Variants in SV2C observed in about 807,000 individuals in gnomAD.
SV2C encodes solute carrier family 22 member B3.
In SV2C, 49 loss-of-function variants were observed where a neutral mutation model predicts 79.7. The ratio of observed to expected loss-of-function variants is 0.61; its 90% CI spans 0.49 to 0.78. The LOEUF is 0.78. Among genes scored for constraint, SV2C ranks in the 30% least tolerant of loss-of-function variants. The pLI is 0.00. For missense variants in SV2C, 833 were observed against 912.9 expected, an observed-to-expected ratio of 0.91 and a Z score of 1.13; for synonymous variants, 334 against 333.2, an observed-to-expected ratio of 1.00 and a Z score of -0.03.
chr5:76,170,138 C>T (rs4279314), intron 2 of SV2C, among the ~76,000 whole-genome samples: 86,939 of 150,034 alleles, frequency 0.58, 26,841 homozygotes, highest in East Asian at 0.92. Context: ...TACATTTGGC[C>T]ACCTCAAAGT....
chr5:75,914,420 C>T, the SV2C span, among the ~76,000 whole-genome samples: 7 of 152,084 alleles, frequency 4.6e-5, no homozygotes, highest in African/African-American at 1.7e-4. Flanking sequence ...TGGGAGTAAA[C>T]CCAGCTGAAT....
the SV2C span, among the ~76,000 whole-genome samples, chr5:76,040,020 G>T: frequency 6.6e-6 from 1 of 152,062 alleles, no homozygotes; most frequent in Non-Finnish European, 1.5e-5. Context: ...ACAAAGGACA[G>T]CATAACAAGA....
At chr5:76,350,092 T>G (rs1402373790) in intron 12 of SV2C, among the ~76,000 whole-genome samples, 1 of 152,164 alleles carries the variant, frequency 6.6e-6, no homozygotes, top group African/African-American at 2.4e-5. Context: ...CTTGAGCTAT[T>G]TTGTGCACTG....
the SV2C span, among the ~76,000 whole-genome samples, chr5:75,884,363 A>G: frequency 2.6e-5 from 4 of 152,318 alleles, no homozygotes; most frequent in South Asian, 8.3e-4. Flanking sequence ...CAAACTGTGC[A>G]TAATTAGAGA....
At chr5:75,893,380 A>C in the SV2C span, among the ~76,000 whole-genome samples, 1 of 152,000 alleles carries the variant, frequency 6.6e-6, no homozygotes, top group Non-Finnish European at 1.5e-5. Context: ...GTCTAACTAA[A>C]GGGTCTTTGG....
intron 12 of SV2C, among the ~76,000 whole-genome samples, chr5:76,322,778 A>G (rs190751892): frequency 6.6e-6 from 1 of 152,256 alleles, no homozygotes; most frequent in Non-Finnish European, 1.5e-5. Flanking sequence ...CAGAAACAAG[A>G]GATGGGGAAA....
At position 76,174,238 on chromosome 5, in the gene SV2C, T is replaced by A. The variant is rs542137992; in HGVS notation, c.581-20681T>A. On this transcript the variant is annotated intron_variant, in intron 2 of 12. Coordinates refer to ENST00000502798, the MANE Select transcript of SV2C (RefSeq NM_014979.4). ...GCGAACCTCTCACGCTGTCACCGGG[T>A]CTCTGCAGCCAGCGTCGCCCCGTGC... 5.1e-4 allele frequency: 797 copies of A among 1,569,334 alleles called. 1 individual carries two copies. The highest frequency in any genetic ancestry group is 6.7e-4 in the Non-Finnish European group (766 of 1,139,586).
the SV2C span, among the ~76,000 whole-genome samples, chr5:76,053,754 T>C: frequency 2.0e-5 from 3 of 152,112 alleles, no homozygotes; most frequent in Non-Finnish European, 4.4e-5. Context: ...GTGTGTATCT[T>C]GAAGAGATTA....
intron 2 of SV2C, among the ~76,000 whole-genome samples, chr5:76,150,268 C>T (rs142376142): frequency 6.6e-6 from 1 of 151,530 alleles, no homozygotes; most frequent in Non-Finnish European, 1.5e-5. Context: ...ACTTCTGCCT[C>T]TCGGGTTCAA....
the SV2C span, among the ~76,000 whole-genome samples, chr5:75,934,302 C>CTTTTTTTTTTTTTTTTTTTT: frequency 1.6e-4 from 17 of 107,812 alleles, no homozygotes; most frequent in East Asian, 2.7e-4. Context: ...TTCTTTCTTT[C>CTTTTTTTTTTTTTTTTTTTT]TTTTTTTTTT....
chr5:75,973,346 T>A, the SV2C span, among the ~76,000 whole-genome samples: 2 of 151,270 alleles, frequency 1.3e-5, no homozygotes, highest in African/African-American at 2.4e-5. Context: ...TAAAAAAAAA[T>A]TAGCCAAGTA....
chr5:75,884,819 TTAAAA>T, the SV2C span, among the ~76,000 whole-genome samples: 6 of 151,842 alleles, frequency 4.0e-5, no homozygotes, highest in Admixed American at 6.6e-5. Context: ...TAATGAAAAA[TTAAAA>T]TAGAAAAAGA....
rs1435341166 is a variant in SV2C, at chr5:76,295,936, A to G, written c.1496A>G (p.Asn499Ser). 1.9e-6 allele frequency: 3 copies of G among 1,586,824 alleles called. No homozygotes were observed. Among genetic ancestry groups the G allele is most frequent in the Admixed American group, 3.7e-5 (2 of 54,420 alleles). Residue 499 changes from asparagine (N) to serine (S), a missense_variant, in exon 9 of 13, where the codon AAT becomes AGT. By Grantham distance (46) the Asn-to-Ser change is conservative (BLOSUM62 1). Transcript: ENST00000502798. ...NQIHTGMEYD[N>S]GRFIGVKFKS... ...ATTCATACTGGAATGGAATACGACA[A>G]TGGCAGGTCTAGAAACTTGAAATAA... is the stretch of plus-strand genomic sequence containing the variant.
At chr5:76,118,374 A>G (rs1227601052) in intron 1 of SV2C, among the ~76,000 whole-genome samples, 2 of 152,172 alleles carry the variant, frequency 1.3e-5, no homozygotes, top group Non-Finnish European at 2.9e-5. Flanking sequence ...ATATATTTAT[A>G]TCTTTTTCCA....
chr5:76,222,076 G>A (rs550956003), intron 4 of SV2C, among the ~76,000 whole-genome samples: 19 of 152,278 alleles, frequency 1.2e-4, no homozygotes, highest in South Asian at 2.1e-4. Context: ...ATTGCTTGTG[G>A]AAATGAAAGA....
intron 2 of SV2C, among the ~76,000 whole-genome samples, chr5:76,192,602 C>A (rs894828112): frequency 6.6e-6 from 1 of 152,160 alleles, no homozygotes; most frequent in East Asian, 1.9e-4. Context: ...GTCTGACAAT[C>A]CCAGAGTGGT....
chr5:76,313,020 T>C (rs1221966253), intron 12 of SV2C, among the ~76,000 whole-genome samples: 1 of 152,216 alleles, frequency 6.6e-6, no homozygotes, highest in African/African-American at 2.4e-5. Flanking sequence ...CTTGGATCTC[T>C]TACTGACCAG....
the SV2C span, among the ~76,000 whole-genome samples, chr5:76,004,056 A>G: frequency 1.3e-5 from 2 of 152,090 alleles, no homozygotes; most frequent in Admixed American, 1.3e-4. Context: ...GACAAGGAAA[A>G]AAAAAAGGTT....
chr5:76,251,020 T>C (rs990927532), intron 4 of SV2C, among the ~76,000 whole-genome samples: 1 of 152,120 alleles, frequency 6.6e-6, no homozygotes, highest in African/African-American at 2.4e-5. Flanking sequence ...CCCACTGCAG[T>C]TACCACAGCA....
Sources: allele counts gnomAD v4.1 joint callset (sites outside exome capture counted in the v4.1 genomes callset), GRCh38; gene constraint gnomAD v4.1.1; transcripts MANE v1.5; gene names NCBI Gene and HGNC (gene_info 2026-07-23, HGNC 2026-07-21).